Variants in NEMP2 observed in about 807,000 individuals in gnomAD.
The protein encoded by NEMP2 is UPF0571 transmembrane protein.
Under a neutral mutation model 54.2 loss-of-function variants are expected in NEMP2, and 53 were observed. The observed-to-expected ratio is 0.98, with a 90% CI of 0.78 to 1.23. The LOEUF (loss-of-function observed/expected upper bound fraction) is 1.23, where lower values mean the gene tolerates loss of function less well. NEMP2 is among the 50% of genes most tolerant of loss of function. NEMP2 has a pLI of 0.00. For synonymous variants in NEMP2, 197 were observed against 190.3 expected (o/e 1.04, Z -0.29); for missense variants, 455 against 511.3 (o/e 0.89, Z 1.06).
In NEMP2 at chr2:190,510,354, GACTT is replaced by G; in HGVS notation, c.1130+3_1130+6del. On this transcript the variant is annotated splice_donor_5th_base_variant and intron_variant, in intron 8 of 8. Coordinates refer to ENST00000409150, the MANE Select transcript of NEMP2 (RefSeq NM_001142645.2). This position sits in a 1 kb window ranked among gnomAD's most constrained non-coding sequence, Gnocchi z 5.7. ...AACTATGGTCCGAGCAGCAGAGCGG[GACTT>G]ACTTGCTAGGAGTGTGGAGTCTGGA... 6.4e-7 allele frequency: 1 copy of G among 1,551,522 alleles called. No individual in the cohort carries two copies. The highest frequency in any genetic ancestry group is 8.7e-7 in the Non-Finnish European group (1 of 1,146,926).
the NEMP2 span, chr2:190,469,907 G>T: frequency 7.4e-7 from 1 of 1,356,126 alleles, no homozygotes; most frequent in Non-Finnish European, 1.0e-6. This position sits in a 1 kb window ranked among gnomAD's most constrained non-coding sequence, Gnocchi z 5.3. Context: ...CTGAGCTGTG[G>T]CTAAAAGCCC....
the NEMP2 span, among the ~76,000 whole-genome samples, chr2:190,443,364 G>A: frequency 1.3e-5 from 2 of 152,174 alleles, no homozygotes; most frequent in Admixed American, 1.3e-4. The surrounding 1 kb of genome is among the most constrained non-coding windows in gnomAD (Gnocchi z 4.2). Flanking sequence ...CTGCTTCTTA[G>A]GGTTTTTTAT....
the NEMP2 span, among the ~76,000 whole-genome samples, chr2:190,453,368 T>C: frequency 9.2e-5 from 14 of 152,272 alleles, no homozygotes; most frequent in African/African-American, 3.1e-4. Context: ...CATTGGAAAG[T>C]TGCATTGATA....
chr2:190,502,769 G>A (rs767684664), downstream of NEMP2, among the ~76,000 whole-genome samples: 1 of 152,184 alleles, frequency 6.6e-6, no homozygotes, highest in East Asian at 1.9e-4. The surrounding 1 kb of genome is among the most constrained non-coding windows in gnomAD (Gnocchi z 4.4). Flanking sequence ...TAGGAAAAGG[G>A]AACCACATCC....
At chr2:190,492,856 C>T in the NEMP2 span, among the ~76,000 whole-genome samples, 3 of 151,746 alleles carry the variant, frequency 2.0e-5, no homozygotes, top group African/African-American at 7.3e-5. This position sits in a 1 kb window ranked among gnomAD's most constrained non-coding sequence, Gnocchi z 5.2. Context: ...ACCAAGCCAG[C>T]ACTACAAGAG....
At chr2:190,574,400 GA>G in the NEMP2 span, among the ~76,000 whole-genome samples, 1 of 152,108 alleles carries the variant, frequency 6.6e-6, no homozygotes, top group African/African-American at 2.4e-5. Context: ...AGTCAGGTTA[GA>G]ATGAGCTAGA....
the NEMP2 span, among the ~76,000 whole-genome samples, chr2:190,589,756 C>A: frequency 6.6e-6 from 1 of 152,168 alleles, no homozygotes; most frequent in East Asian, 1.9e-4. This position sits in a 1 kb window ranked among gnomAD's most constrained non-coding sequence, Gnocchi z 4.3. Flanking sequence ...ATGGCTCTGG[C>A]CAATGCTATC....
the NEMP2 span, among the ~76,000 whole-genome samples, chr2:190,575,059 G>A: frequency 6.6e-6 from 1 of 151,868 alleles, no homozygotes. Flanking sequence ...GTTTCACTAT[G>A]TTGGCCAGGC....
chr2:190,624,368 C>T, the NEMP2 span, among the ~76,000 whole-genome samples: 1 of 152,072 alleles, frequency 6.6e-6, no homozygotes, highest in East Asian at 1.9e-4. Flanking sequence ...AGTATAGTCA[C>T]TATAAAACAG....
the NEMP2 span, among the ~76,000 whole-genome samples, chr2:190,426,631 A>G: frequency 6.6e-6 from 1 of 152,018 alleles, no homozygotes; most frequent in East Asian, 1.9e-4. This position sits in a 1 kb window ranked among gnomAD's most constrained non-coding sequence, Gnocchi z 4.7. Flanking sequence ...TCCCCCTCCC[A>G]TTCTCCCCAC....
At position 190,529,207 on chromosome 2, in the gene NEMP2, C is replaced by T. The variant is rs1224126666; in HGVS notation, c.98-3829G>A. Among the ~76,000 whole-genome samples, 2 of 152,108 alleles carry T rather than the reference C, an allele frequency of 1.3e-5. No homozygotes were observed. The highest frequency in any genetic ancestry group is 1.5e-5 in the Non-Finnish European group (1 of 68,012). ...AAAAACAAACACAAACAAACAAAAA[C>T]ATGAATGGGAACCCATCATTTACCT... On this transcript the variant is annotated intron_variant, in intron 1 of 8. Transcript: ENST00000409150. The surrounding 1 kb of genome is among the most constrained non-coding windows in gnomAD (Gnocchi z 4.7).
the NEMP2 span, among the ~76,000 whole-genome samples, chr2:190,575,369 T>C: frequency 6.6e-6 from 1 of 152,086 alleles, no homozygotes; most frequent in Non-Finnish European, 1.5e-5. Flanking sequence ...AAATTCCTTG[T>C]AGTATAATAC....
upstream of NEMP2, among the ~76,000 whole-genome samples, chr2:190,538,409 A>G (rs770312974): frequency 6.6e-6 from 1 of 152,022 alleles, no homozygotes; most frequent in Non-Finnish European, 1.5e-5. This position sits in a 1 kb window ranked among gnomAD's most constrained non-coding sequence, Gnocchi z 4.1. Context: ...TGTTTTGTCT[A>G]TTGTGAATAG....
At chr2:190,532,518 T>A (rs1473033579) in intron 1 of NEMP2, among the ~76,000 whole-genome samples, 1 of 152,184 alleles carries the variant, frequency 6.6e-6, no homozygotes, top group African/African-American at 2.4e-5. Context: ...TATGGGAAAC[T>A]CTTGAAGTTT....
the NEMP2 span, chr2:190,477,530 A>G: frequency 1.9e-4 from 39 of 209,352 alleles, no homozygotes; most frequent in African/African-American, 8.7e-4. Flanking sequence ...TTAAAGAACA[A>G]CAGAATAATT....
the NEMP2 span, chr2:190,489,977 C>A: frequency 1.2e-6 from 1 of 829,962 alleles, no homozygotes; most frequent in Non-Finnish European, 1.8e-6. The surrounding 1 kb of genome is among the most constrained non-coding windows in gnomAD (Gnocchi z 6.6). Flanking sequence ...GTCTGTTTGG[C>A]TCAATTTTCT....
At chr2:190,636,412 TA>T in the NEMP2 span, among the ~76,000 whole-genome samples, 1 of 152,264 alleles carries the variant, frequency 6.6e-6, no homozygotes, top group Non-Finnish European at 1.5e-5. Context: ...AAACTTGTTA[TA>T]TTTTTTTCAG....
chr2:190,464,947 G>T, the NEMP2 span: 1 of 977,956 alleles, frequency 1.0e-6, no homozygotes, highest in Non-Finnish European at 1.2e-6. Flanking sequence ...ATTATAGTTG[G>T]TTAAATTTAG....
chr2:190,610,303 A>T, the NEMP2 span: 1 of 152,192 alleles, frequency 6.6e-6, no homozygotes, highest in African/African-American at 2.4e-5. This position sits in a 1 kb window ranked among gnomAD's most constrained non-coding sequence, Gnocchi z 5.4. Context: ...ACTTTGTTCC[A>T]TAGAAGGAAT....
Sources: gnomAD v4.1 joint callset for allele counts (sites outside exome capture counted in the v4.1 genomes callset) on GRCh38, gnomAD v4.1.1 for gene constraint, Gnocchi (gnomAD v3.1) non-coding constraint, MANE v1.5 for transcripts, NCBI Gene and HGNC (gene_info 2026-07-23, HGNC 2026-07-21) for gene names.